The following XIRP2 variants were observed in gnomAD, a reference collection of about 807,000 sequenced individuals.
The protein encoded by XIRP2 is xin actin binding repeat containing 2.
XIRP2 carries 236 observed loss-of-function variants against 277.0 expected under a neutral mutation model. The observed-to-expected ratio is 0.85, with a 90% CI of 0.77 to 0.95. The LOEUF (loss-of-function observed/expected upper bound fraction) is 0.95. XIRP2 is among the 40% of genes least tolerant of loss of function. The pLI, the probability that XIRP2 is intolerant of heterozygous loss-of-function variation, is 0.00. For synonymous variants in XIRP2, 1,490 were observed against 1,416.5 expected (o/e 1.05, Z -1.17); for missense variants, 4,640 against 4,157.5 (o/e 1.12, Z -3.19).
chr2:167,184,957 T>C (rs1693115328), intron 3 of XIRP2, among the ~76,000 whole-genome samples: 1 of 152,176 alleles, frequency 6.6e-6, no homozygotes, highest in Non-Finnish European at 1.5e-5. Flanking sequence ...TTTCTGCCTT[T>C]ATATCTGTCT....
Position 167,246,389 on chromosome 2 carries a change from T to C in XIRP2, c.4997T>C (p.Leu1666Pro). 1.2e-6 allele frequency: 2 copies of C among 1,613,496 alleles called. No homozygotes were observed. Among genetic ancestry groups the C allele is most frequent in the South Asian group, 1.1e-5 (1 of 90,996 alleles). The change falls in exon 9 of 11, where the codon CTG becomes CCG. Residue 1666 changes from leucine (L) to proline (P), a missense_variant. Coordinates refer to ENST00000409195, the MANE Select transcript of XIRP2 (RefSeq NM_152381.6). The part of the protein sequence containing the change: ...KGDVQQAIKN[L>P]FSEERSVKKG... The stretch of plus-strand genomic sequence containing the variant: ...GATGTACAACAAGCAATAAAAAACC[T>C]GTTCTCTGAGGAAAGATCTGTAAAG...
In XIRP2 at chr2:167,258,606, AG is replaced by A. The variant is rs908483578; in HGVS notation, c.*791del. 6.2e-6 allele frequency: 10 copies of A among 1,613,020 alleles called. No homozygotes were observed. In the African/African-American group the frequency reaches 1.2e-4, roughly 19 times the overall value. The stretch of plus-strand genomic sequence containing the variant: ...CAAACTAATGGTGCAGAAGTTTTAC[AG>A]GTTACTAACACTGATGATGAGATGA... On this transcript the variant is annotated 3_prime_UTR_variant, in exon 11 of 11. Transcript: ENST00000409195.
chr2:167,251,593 AT>A lies in XIRP2; in HGVS notation c.10203del (p.Pro3402LeufsTer14). 6 of 1,613,610 alleles carry A rather than the reference AT, an allele frequency of 3.7e-6. No homozygotes were observed. Among genetic ancestry groups the A allele is most frequent in the Non-Finnish European group, 5.1e-6 (6 of 1,179,674 alleles). ...ACATCCTAGAGAACTGCGAGAAAAG[AT>A]TCCTGTTAAGCAGCCCAGGATCTGC... The part of the protein sequence containing the change: ...CKHPRELREK[I>X]PVKQPRICSE... On this transcript the variant is annotated frameshift_variant, in exon 9 of 11. Transcript: ENST00000409195. LOFTEE classifies it high-confidence loss of function.
Position 167,095,851 on chromosome 2 carries a change from C to CTTTTTTTTT in XIRP2, c.409-40026_409-40018dup, listed in dbSNP as rs60405920. Reference sequence around the variant, plus strand: ...TAAAAATGATTTAGGAGGCGTCACTCTTTTTTTTTTTTTTTTTTTTTTTTT... The same window carrying CTTTTTTTTT: ...TAAAAATGATTTAGGAGGCGTCACTCTTTTTTTTTTTTTTTTTTTTTTTTTTTTTTTTTT... On this transcript the variant is annotated intron_variant, in intron 2 of 10. Transcript: ENST00000409195. Among the ~76,000 whole-genome samples the CTTTTTTTTT allele has an allele frequency of 5.9e-4, 28 of 47,304 alleles. 5 individuals carry two copies. The highest frequency in any genetic ancestry group is 6.9e-4 in the African/African-American group (12 of 17,448). The allele number at this position is 47,304 out of a possible 152,430, so 31.0% of individuals were successfully genotyped here. A position where few individuals can be genotyped will look rare whatever the true frequency, so the allele number is the denominator to read the frequency against.
At chr2:167,055,928 A>T (rs1319437861) in intron 2 of XIRP2, among the ~76,000 whole-genome samples, 1 of 152,172 alleles carries the variant, frequency 6.6e-6, no homozygotes, top group Non-Finnish European at 1.5e-5. Flanking sequence ...AAACATTTGC[A>T]AATTCAAACA....
intron 2 of XIRP2, among the ~76,000 whole-genome samples, chr2:167,093,814 T>G (rs1317621561): frequency 1.3e-5 from 2 of 152,270 alleles, no homozygotes; most frequent in East Asian, 3.9e-4. Context: ...TGATTTATAA[T>G]CCTTTGGGTA....
chr2:167,175,469 G>A (rs1217121237), intron 3 of XIRP2, among the ~76,000 whole-genome samples: 2 of 152,172 alleles, frequency 1.3e-5, no homozygotes, highest in Admixed American at 6.5e-5. Context: ...AGTGGAGGCT[G>A]CAGAACAGCA....
At chr2:166,933,242 G>A (rs578125955) in intron 2 of XIRP2, among the ~76,000 whole-genome samples, 8 of 150,634 alleles carry the variant, frequency 5.3e-5, no homozygotes, top group South Asian at 2.1e-4. Flanking sequence ...TCCACCTCCC[G>A]GGTTCACACC....
intron 1 of XIRP2, among the ~76,000 whole-genome samples, chr2:166,900,347 A>G (rs180969256): frequency 5.5e-4 from 83 of 151,772 alleles, no homozygotes; most frequent in African/African-American, 2.0e-3. Flanking sequence ...TGCGTCTTCT[A>G]TTTGTTTGCT....
chr2:167,229,188 G>A (rs1240931810), intron 5 of XIRP2, among the ~76,000 whole-genome samples: 1 of 152,102 alleles, frequency 6.6e-6, no homozygotes, highest in African/African-American at 2.4e-5. Context: ...TTTGATCACA[G>A]GGAGTGTACA....
intron 2 of XIRP2, among the ~76,000 whole-genome samples, chr2:167,058,933 T>C (rs1276038505): frequency 6.6e-6 from 1 of 152,114 alleles, no homozygotes; most frequent in Admixed American, 6.5e-5. Flanking sequence ...TAGCAACTTA[T>C]GTTTGGCTGA....
intron 2 of XIRP2, among the ~76,000 whole-genome samples, chr2:167,025,418 T>C (rs1688124473): frequency 6.6e-6 from 1 of 152,170 alleles, no homozygotes; most frequent in African/African-American, 2.4e-5. Flanking sequence ...GCTGGATTCA[T>C]TAATTTTTTG....
At chr2:167,008,662 G>C (rs574523098) in intron 2 of XIRP2, among the ~76,000 whole-genome samples, 2 of 151,682 alleles carry the variant, frequency 1.3e-5, no homozygotes, top group East Asian at 3.9e-4. Context: ...ACAATACATT[G>C]TTGACATATA....
At position 167,009,935 on chromosome 2, in the gene XIRP2, G is replaced by C. The variant is rs185846284; in HGVS notation, c.408+106045G>C. ...TTCTTTGTTTTTTTCTTGTAAATTT[G>C]TTTGAGTTCATTATAGATTCTGGAT... On this transcript the variant is annotated intron_variant, in intron 2 of 10. Transcript: ENST00000409195. 7.9e-5 allele frequency among the ~76,000 whole-genome samples: 12 copies of C among 152,122 alleles called. No individual in the cohort carries two copies. The East Asian group carries it at 2.1e-3, about 27-fold the overall frequency.
intron 2 of XIRP2, among the ~76,000 whole-genome samples, chr2:166,995,455 A>T (rs575095698): frequency 6.6e-6 from 1 of 152,210 alleles, no homozygotes; most frequent in Non-Finnish European, 1.5e-5. Flanking sequence ...ATGATCAGTT[A>T]TGAGGCAATT....
intron 3 of XIRP2, among the ~76,000 whole-genome samples, chr2:167,204,762 G>A (rs544990029): frequency 8.6e-5 from 13 of 151,930 alleles, no homozygotes; most frequent in South Asian, 2.1e-4. Context: ...AAACAAACAC[G>A]CGTATTTATT....
chr2:167,213,976 T>G (rs1311907426), intron 4 of XIRP2, among the ~76,000 whole-genome samples: 1 of 151,676 alleles, frequency 6.6e-6, no homozygotes, highest in Non-Finnish European at 1.5e-5. Context: ...CCTAGCACTT[T>G]GGGAGGCTGA....
intron 3 of XIRP2, among the ~76,000 whole-genome samples, chr2:167,162,252 G>C (rs1379078424): frequency 6.6e-6 from 1 of 152,174 alleles, no homozygotes; most frequent in Non-Finnish European, 1.5e-5. Flanking sequence ...TTCCAAAGTT[G>C]TTTCCACACT....
intron 2 of XIRP2, among the ~76,000 whole-genome samples, chr2:167,079,379 A>C (rs1249966528): frequency 6.6e-6 from 1 of 152,160 alleles, no homozygotes; most frequent in African/African-American, 2.4e-5. Flanking sequence ...CCCCCGCTCA[A>C]TTTTTTAGAA....
Sources: gnomAD v4.1 joint callset for allele counts (sites outside exome capture counted in the v4.1 genomes callset) on GRCh38, gnomAD v4.1.1 for gene constraint, MANE v1.5 for transcripts, NCBI Gene and HGNC (gene_info 2026-07-23, HGNC 2026-07-21) for gene names.